The following TPTE variants were observed in gnomAD, a reference collection of about 807,000 sequenced individuals.
The protein encoded by TPTE is transmembrane phosphatase with tensin homology.
In TPTE, 59 loss-of-function variants were observed where a neutral mutation model predicts 84.1. That is an observed-to-expected ratio of 0.70 (90% confidence interval 0.57 to 0.87). The LOEUF (loss-of-function observed/expected upper bound fraction) is 0.87. TPTE is among the 40% of genes least tolerant of loss of function. The probability of loss-of-function intolerance (pLI) is 0.00; values close to 1 mark genes in which losing one functional copy is unlikely to be tolerated. For missense variants in TPTE, 382 were observed against 659.6 expected (o/e 0.58, Z 4.61); for synonymous variants, 130 against 223.5 (o/e 0.58, Z 3.73).
At chr21:10,595,457 C>A (rs569116996) in intron 19 of TPTE, among the ~76,000 whole-genome samples, 63 of 152,266 alleles carry the variant, frequency 4.1e-4, no homozygotes, top group Non-Finnish European at 7.1e-4. Flanking sequence ...AAGGCTAAGA[C>A]AATTTCAGGG....
intron 1 of TPTE, among the ~76,000 whole-genome samples, chr21:10,524,197 C>T (rs1167681607): frequency 1.3e-5 from 2 of 152,422 alleles, no homozygotes; most frequent in South Asian, 2.1e-4. Context: ...CATCCTCTGC[C>T]CTCTCTGTTG....
At chr21:10,562,166 C>T (rs1172702279) in intron 10 of TPTE, among the ~76,000 whole-genome samples, 1 of 152,308 alleles carries the variant, frequency 6.6e-6, no homozygotes, top group Non-Finnish European at 1.5e-5. Flanking sequence ...TCTGCAAGAA[C>T]CAGAGTTTAG....
chr21:10,596,170 T>C (rs1369579065), intron 20 of TPTE, 83 bp downstream of exon 20: 7 of 1,542,156 alleles, frequency 4.5e-6, no homozygotes, highest in Middle Eastern at 1.7e-4. Flanking sequence ...TAGTTGTATA[T>C]ACAGATGATC....
intron 8 of TPTE, among the ~76,000 whole-genome samples, chr21:10,556,047 T>C (rs1303939873): frequency 6.6e-6 from 1 of 152,304 alleles, no homozygotes; most frequent in African/African-American, 2.4e-5. Context: ...GCTACTTTTT[T>C]TTATTATTAT....
chr21:10,602,042 A>G lies in TPTE; in HGVS notation c.1357-16A>G, dbSNP rs772973834. 10 of 1,606,256 alleles carry G rather than the reference A, an allele frequency of 6.2e-6. No individual in the cohort carries two copies. Among genetic ancestry groups the G allele is most frequent in the Non-Finnish European group, 6.0e-6 (7 of 1,172,900 alleles). Reference sequence around the variant, plus strand: ...ATCTAGGTTTATAGTTCTCAATTCCATGTGTTCATTCATAGGTACTTGATA... The same window carrying G: ...ATCTAGGTTTATAGTTCTCAATTCCGTGTGTTCATTCATAGGTACTTGATA... On this transcript the variant is annotated splice_polypyrimidine_tract_variant and intron_variant, in intron 21 of 23. Coordinates refer to ENST00000618007, the MANE Select transcript of TPTE (RefSeq NM_199261.4).
chr21:10,575,609 G>A (rs1354642241), intron 14 of TPTE, among the ~76,000 whole-genome samples: 1 of 152,312 alleles, frequency 6.6e-6, no homozygotes, highest in Non-Finnish European at 1.5e-5. Flanking sequence ...GCAGGTATGT[G>A]CGGGCTGGAT....
chr21:10,566,747 T>G (rs1416145230), intron 10 of TPTE, among the ~76,000 whole-genome samples: 3 of 152,300 alleles, frequency 2.0e-5, no homozygotes, highest in Non-Finnish European at 1.5e-5. Flanking sequence ...GAGGCTGAGG[T>G]GGGCAGATCA....
intron 9 of TPTE, among the ~76,000 whole-genome samples, chr21:10,560,115 A>G (rs1205141599): frequency 6.6e-6 from 1 of 152,308 alleles, no homozygotes; most frequent in African/African-American, 2.4e-5. Flanking sequence ...TTTGCCTAAG[A>G]TTAATTGTAA....
chr21:10,605,144 T>A (rs1228087982), intron 23 of TPTE, among the ~76,000 whole-genome samples: 1 of 152,304 alleles, frequency 6.6e-6, no homozygotes, highest in African/African-American at 2.4e-5. Flanking sequence ...CAGAGAGAAA[T>A]TTAGATATTT....
chr21:10,596,079 C>T lies in TPTE; in HGVS notation c.1268C>T (p.Ser423Leu), dbSNP rs570468666. ...TTTATAAAACACTTCATTATTTATT[C>T]GATTCCTCGTAAGTGCTTTATGTAT... Reference protein sequence around the residue: ...ILFIKHFIIYSIPRYVRDLKI... With the variant: ...ILFIKHFIIYLIPRYVRDLKI... The change falls in exon 20 of 24, where the codon TCG becomes TTG. Residue 423 changes from serine to leucine, a missense_variant. Transcript: ENST00000618007. 5.0e-5 allele frequency: 81 copies of T among 1,613,634 alleles called. No homozygotes were observed. The East Asian group carries it at 5.4e-4, about 11-fold the overall frequency.
chr21:10,570,414 T>C (rs2075018284), intron 13 of TPTE, 71 bp from the exon 14 acceptor site: 1 of 1,610,338 alleles, frequency 6.2e-7, no homozygotes, highest in Non-Finnish European at 8.5e-7. Context: ...TGATCATGTA[T>C]AAATTAATTT....
intron 18 of TPTE, among the ~76,000 whole-genome samples, chr21:10,591,696 C>T (rs1427815655): frequency 6.6e-6 from 1 of 152,310 alleles, no homozygotes; most frequent in East Asian, 1.9e-4. Context: ...GCTGCAGCAT[C>T]TCCTTGGCAG....
At chr21:10,529,076 C>T (rs1332130284) in intron 3 of TPTE, among the ~76,000 whole-genome samples, 17 of 152,258 alleles carry the variant, frequency 1.1e-4, no homozygotes, top group African/African-American at 3.9e-4. Flanking sequence ...CCCAGCTACT[C>T]GGGAGGCTGA....
intron 3 of TPTE, among the ~76,000 whole-genome samples, chr21:10,536,989 A>T (rs1480727383): frequency 6.6e-6 from 1 of 152,308 alleles, no homozygotes; most frequent in African/African-American, 2.4e-5. Context: ...GAGCTCTACC[A>T]CCATGTGAGG....
intron 19 of TPTE, among the ~76,000 whole-genome samples, chr21:10,592,969 G>T (rs1317886829): frequency 2.0e-5 from 3 of 152,262 alleles, no homozygotes; most frequent in African/African-American, 4.8e-5. Context: ...ACACCTGTAT[G>T]AAATATACAC....
At chr21:10,573,145 A>G (rs1409597546) in intron 14 of TPTE, among the ~76,000 whole-genome samples, 2 of 152,308 alleles carry the variant, frequency 1.3e-5, no homozygotes, top group African/African-American at 4.8e-5. Context: ...AAGTGAAGGG[A>G]TAGAAGAAAA....
intron 8 of TPTE, among the ~76,000 whole-genome samples, chr21:10,556,871 C>G (rs1313366299): frequency 6.6e-6 from 1 of 152,304 alleles, no homozygotes; most frequent in Non-Finnish European, 1.5e-5. Flanking sequence ...TATCCTTTGC[C>G]CACTTTTTGA....
chr21:10,569,362 G>A, intron 11 of TPTE, 75 bp from the exon 12 acceptor site: 2 of 1,546,364 alleles, frequency 1.3e-6, no homozygotes, highest in African/African-American at 1.4e-5. Flanking sequence ...GTTAACAACT[G>A]CTGCTCTAGA....
At chr21:10,546,106 G>C (rs1291039075) in intron 7 of TPTE, among the ~76,000 whole-genome samples, 1 of 152,298 alleles carries the variant, frequency 6.6e-6, no homozygotes, top group Non-Finnish European at 1.5e-5. Flanking sequence ...CCTACATTGA[G>C]CAAGTCTCCT....
Sources: allele counts gnomAD v4.1 joint callset (sites outside exome capture counted in the v4.1 genomes callset), GRCh38; gene constraint gnomAD v4.1.1; transcripts MANE v1.5; gene names NCBI Gene and HGNC (gene_info 2026-07-23, HGNC 2026-07-21).